The following AOPEP variants were observed in gnomAD, a reference collection of about 807,000 sequenced individuals.
AOPEP encodes the protein aminopeptidase O.
AOPEP carries 77 observed loss-of-function variants against 98.1 expected under a neutral mutation model. The observed-to-expected ratio is 0.78, with a 90% CI of 0.65 to 0.95. The LOEUF (loss-of-function observed/expected upper bound fraction) is 0.95, where lower values mean the gene tolerates loss of function less well. Ranked by LOEUF, AOPEP falls within the 40% of genes least tolerant of loss-of-function variation. The pLI is 0.00. For missense variants in AOPEP, 1,024 were observed against 1,024.7 expected (o/e 1.00, Z 0.01); for synonymous variants, 346 against 365.3 (o/e 0.95, Z 0.60).
the AOPEP span, chr9:95,127,396 C>T: frequency 6.6e-6 from 1 of 152,372 alleles, no homozygotes; most frequent in East Asian, 1.9e-4. Flanking sequence ...TCTTGGAAGG[C>T]AATGTTTCCA....
At chr9:95,038,631 C>T (rs530159268) in intron 13 of AOPEP, among the ~76,000 whole-genome samples, 1 of 152,208 alleles carries the variant, frequency 6.6e-6, no homozygotes, top group Non-Finnish European at 1.5e-5. Context: ...TGTGCTCTGC[C>T]TCCAAGGTGC....
At chr9:94,973,255 A>G (rs1462511115) in intron 10 of AOPEP, among the ~76,000 whole-genome samples, 1 of 152,204 alleles carries the variant, frequency 6.6e-6, no homozygotes, top group Middle Eastern at 3.2e-3. Context: ...GCCAAAAGTG[A>G]TGAAGACATT....
At chr9:95,094,815 G>A in the AOPEP span, among the ~76,000 whole-genome samples, 2 of 152,136 alleles carry the variant, frequency 1.3e-5, no homozygotes, top group Non-Finnish European at 2.9e-5. Flanking sequence ...ACAGGTGTGC[G>A]CCACCATGCC....
At chr9:94,736,488 C>T (rs1217995644) in intron 1 of AOPEP, among the ~76,000 whole-genome samples, 1 of 152,030 alleles carries the variant, frequency 6.6e-6, no homozygotes, top group Non-Finnish European at 1.5e-5. Flanking sequence ...TTCATTTTTA[C>T]TCTACCGAAC....
intron 13 of AOPEP, among the ~76,000 whole-genome samples, chr9:95,008,782 C>G (rs1282415962): frequency 1.3e-5 from 2 of 152,152 alleles, no homozygotes; most frequent in African/African-American, 4.8e-5. Flanking sequence ...TTTCTTATCT[C>G]TCTGAAGATG....
intron 13 of AOPEP, among the ~76,000 whole-genome samples, chr9:95,020,728 G>A (rs2063377830): frequency 6.6e-6 from 1 of 151,730 alleles, no homozygotes; most frequent in African/African-American, 2.4e-5. Flanking sequence ...GACCAACCTC[G>A]GCAACATGGT....
At chr9:95,007,430 T>C (rs1247318994) in intron 13 of AOPEP, among the ~76,000 whole-genome samples, 3 of 152,040 alleles carry the variant, frequency 2.0e-5, no homozygotes, top group Non-Finnish European at 2.9e-5. Flanking sequence ...AGAATGAAGT[T>C]CTTTGCCCAA....
intron 2 of AOPEP, among the ~76,000 whole-genome samples, chr9:94,769,823 A>G (rs992630020): frequency 4.6e-5 from 7 of 152,350 alleles, no homozygotes; most frequent in Admixed American, 3.9e-4. Flanking sequence ...GCACAATGGC[A>G]GAAAGAGCTT....
intron 13 of AOPEP, among the ~76,000 whole-genome samples, chr9:95,046,574 TA>T (rs891133531): frequency 6.6e-6 from 1 of 152,244 alleles, no homozygotes; most frequent in African/African-American, 2.4e-5. Context: ...TCTTAACATT[TA>T]AAGGGGAGTG....
At chr9:95,088,477 G>A (rs539063370), downstream of AOPEP, among the ~76,000 whole-genome samples, 8 of 151,874 alleles carry the variant, frequency 5.3e-5, no homozygotes, top group African/African-American at 1.9e-4. Flanking sequence ...CCAAAGTGCC[G>A]GGATTATAGG....
the AOPEP span, chr9:95,114,265 C>A: frequency 5.7e-6 from 2 of 353,412 alleles, no homozygotes; most frequent in Non-Finnish European, 1.1e-5. Flanking sequence ...CAAACAAGTG[C>A]CCTTTCCCTT....
chr9:94,801,125 A>G lies in AOPEP; in HGVS notation c.1364+123A>G, dbSNP rs536608164. The G allele has an allele frequency of 2.7e-6, 3 of 1,123,796 alleles. No homozygotes were observed. In the South Asian group the frequency reaches 4.2e-5, roughly 16 times the overall value. 69.6% of individuals were successfully genotyped at this position (1,123,796 alleles called of 1,614,324 possible). The stretch of plus-strand genomic sequence containing the variant: ...TAGAATGGAGGGGCTATGGTTGCTC[A>G]TGCTTGGACATCTCATTGCTGCCTT... On this transcript the variant is annotated intron_variant, in intron 5 of 16. Transcript: ENST00000375315.
At chr9:94,889,104 C>T (rs532796610) in intron 5 of AOPEP, among the ~76,000 whole-genome samples, 32 of 152,224 alleles carry the variant, frequency 2.1e-4, no homozygotes, top group African/African-American at 7.5e-4. Context: ...AGCGATTCTC[C>T]TGCCTCAGCC....
At chr9:95,100,222 C>T in the AOPEP span, 7 of 223,076 alleles carry the variant, frequency 3.1e-5, no homozygotes, top group South Asian at 1.1e-3. Context: ...AAGGCAATGA[C>T]CATGAGCACG....
chr9:94,996,275 A>C (rs1425733951), intron 11 of AOPEP, among the ~76,000 whole-genome samples: 1 of 151,958 alleles, frequency 6.6e-6, no homozygotes. Context: ...ATTCTGGAAA[A>C]TAGCTTTCTC....
the AOPEP span, chr9:95,101,721 G>T: frequency 4.3e-6 from 7 of 1,613,826 alleles, no homozygotes; most frequent in Non-Finnish European, 5.9e-6. Flanking sequence ...ACTTGAGTTC[G>T]CAGCTCTTTA....
At chr9:94,825,585 T>A (rs151213053) in intron 5 of AOPEP, among the ~76,000 whole-genome samples, 29 of 152,360 alleles carry the variant, frequency 1.9e-4, no homozygotes, top group African/African-American at 6.7e-4. Context: ...ACTTTGAAGC[T>A]CAGTTTTAAG....
chr9:95,003,159 TGTGTGTGCGCGCGCGCGCGC>T (rs2061675317), intron 11 of AOPEP, among the ~76,000 whole-genome samples: 1 of 150,468 alleles, frequency 6.6e-6, no homozygotes, highest in African/African-American at 2.5e-5. Flanking sequence ...TGTGTGTGTG[TGTGTGTGCGCGCGCGCGCGC>T]GTGTGTGACT....
At chr9:95,072,737 C>T (rs1428674593) in intron 14 of AOPEP, among the ~76,000 whole-genome samples, 2 of 152,206 alleles carry the variant, frequency 1.3e-5, no homozygotes, top group African/African-American at 4.8e-5. Flanking sequence ...AGGGTGAGGC[C>T]CCTTTACCAT....
Sources: gnomAD v4.1 joint callset for allele counts (sites outside exome capture counted in the v4.1 genomes callset) on GRCh38, gnomAD v4.1.1 for gene constraint, MANE v1.5 for transcripts, NCBI Gene and HGNC (gene_info 2026-07-23, HGNC 2026-07-21) for gene names.